DACH2: variants seen among roughly 807,000 people sequenced by gnomAD.
DACH2 encodes dachshund family transcription factor 2, also known as dachshund homolog 2.
A neutral mutation model predicts 35.8 loss-of-function variants in DACH2; 17 were observed. The observed-to-expected ratio is 0.48, with a 90% confidence interval of 0.33 to 0.71. The LOEUF (loss-of-function observed/expected upper bound fraction) is 0.71. Among genes scored for constraint, DACH2 ranks in the 30% least tolerant of loss-of-function variants. DACH2 has a pLI of 0.02. For missense variants in DACH2, 469 were observed against 472.7 expected (o/e 0.99, Z 0.07); for synonymous variants, 195 against 177.3 (o/e 1.10, Z -0.79).
At position 86,763,563 on chromosome X, in the gene DACH2, C is replaced by T. The variant is rs373422653; in HGVS notation, c.1240+23681C>T. ...CCGCCTCCTGGGTTCCTGACATTCT[C>T]CTGCCTCAGCCTCCTGAGTAGCTGG... On this transcript the variant is annotated intron_variant, in intron 7 of 11. Coordinates refer to ENST00000373125, the MANE Select transcript of DACH2 (RefSeq NM_053281.3). 1.3e-4 allele frequency among the ~76,000 whole-genome samples: 15 copies of T among 111,828 alleles called. No homozygotes were observed. The East Asian group carries it at 2.8e-3, about 21-fold the overall frequency.
intron 1 of DACH2, chrX:86,161,051 C>T: frequency 9.6e-7 from 1 of 1,043,701 alleles, no homozygotes; most frequent in Non-Finnish European, 1.3e-6. Flanking sequence ...TTGCCTCCAG[C>T]ATGTTGTCAT....
intron 2 of DACH2, among the ~76,000 whole-genome samples, chrX:86,437,263 A>G (rs1297993521): frequency 8.9e-6 from 1 of 111,753 alleles, no homozygotes; most frequent in Non-Finnish European, 1.9e-5. Flanking sequence ...GTATCCCCAC[A>G]TCGGTATTTA....
chrX:86,555,016 T>C (rs1257354242), intron 3 of DACH2, among the ~76,000 whole-genome samples: 1 of 110,593 alleles, frequency 9.0e-6, no homozygotes, highest in Non-Finnish European at 1.9e-5. Flanking sequence ...TAGCTCATGA[T>C]GAGCTCAATT....
chrX:86,251,070 G>A (rs2033389785), intron 1 of DACH2, among the ~76,000 whole-genome samples: 1 of 111,051 alleles, frequency 9.0e-6, no homozygotes, highest in African/African-American at 3.3e-5. Context: ...GATGCTGTAG[G>A]CATCAGATAC....
intron 7 of DACH2, among the ~76,000 whole-genome samples, chrX:86,800,265 C>G (rs762507717): frequency 6.2e-4 from 69 of 111,930 alleles, no homozygotes; most frequent in African/African-American, 2.2e-3. Context: ...CAATGCACAA[C>G]TAGGAACTCA....
At chrX:86,287,918 A>C (rs756253164) in intron 1 of DACH2, among the ~76,000 whole-genome samples, 7 of 111,711 alleles carry the variant, frequency 6.3e-5, no homozygotes, top group Admixed American at 1.9e-4. Context: ...TGGTGAGGTC[A>C]TGTTTTCCTA....
intron 3 of DACH2, among the ~76,000 whole-genome samples, chrX:86,561,808 C>A (rs1249743052): frequency 1.6e-5 from 1 of 64,067 alleles, no homozygotes; most frequent in Non-Finnish European, 2.8e-5. Context: ...CTAGATGACA[C>A]GTTAGTGGGT....
chrX:86,380,858 TATC>T (rs1348647358), intron 2 of DACH2, among the ~76,000 whole-genome samples: 1 of 110,787 alleles, frequency 9.0e-6, no homozygotes, highest in Non-Finnish European at 1.9e-5. Context: ...ACTGTTGTGA[TATC>T]ATACTATTCT....
chrX:86,407,268 T>G (rs1165731105), intron 2 of DACH2, among the ~76,000 whole-genome samples: 1 of 112,089 alleles, frequency 8.9e-6, no homozygotes, highest in Non-Finnish European at 1.9e-5. Context: ...CTTTTGCCAG[T>G]TATATAGTCT....
chrX:86,259,735 A>T (rs1030848777), intron 1 of DACH2, among the ~76,000 whole-genome samples: 8 of 112,145 alleles, frequency 7.1e-5, no homozygotes, highest in Non-Finnish European at 1.5e-4. Flanking sequence ...GGATCATAAT[A>T]TGTTTTTAAG....
intron 2 of DACH2, among the ~76,000 whole-genome samples, chrX:86,452,731 G>C (rs1459833946): frequency 9.0e-6 from 1 of 111,042 alleles, no homozygotes; most frequent in African/African-American, 3.3e-5. Context: ...AGTCTAGCTA[G>C]TGGTATATCT....
At chrX:86,289,172 T>C (rs2034216415) in intron 1 of DACH2, among the ~76,000 whole-genome samples, 1 of 108,431 alleles carries the variant, frequency 9.2e-6, no homozygotes. Context: ...GGTCCAGAAA[T>C]GTTGCTCAGG....
intron 2 of DACH2, among the ~76,000 whole-genome samples, chrX:86,486,545 T>C (rs1049779912): frequency 9.0e-6 from 1 of 111,276 alleles, no homozygotes; most frequent in Non-Finnish European, 1.9e-5. Flanking sequence ...GAGATGGCCA[T>C]GCACAATTCT....
chrX:86,424,131 T>C (rs780123883), intron 2 of DACH2, among the ~76,000 whole-genome samples: 1 of 110,681 alleles, frequency 9.0e-6, no homozygotes, highest in Admixed American at 9.7e-5. Flanking sequence ...TCCTCCAGTT[T>C]TTTTTTCTTT....
At chrX:86,536,589 G>A (rs1161116248) in intron 3 of DACH2, among the ~76,000 whole-genome samples, 1 of 111,633 alleles carries the variant, frequency 9.0e-6, no homozygotes, top group Admixed American at 9.5e-5. Flanking sequence ...ATCAAGCTGA[G>A]TTCAACTCTT....
At chrX:86,542,734 C>T (rs1329704313) in intron 3 of DACH2, among the ~76,000 whole-genome samples, 1 of 112,020 alleles carries the variant, frequency 8.9e-6, no homozygotes, top group Non-Finnish European at 1.9e-5. Flanking sequence ...ATATAGAATT[C>T]ACATTCCCTG....
intron 5 of DACH2, among the ~76,000 whole-genome samples, chrX:86,698,548 T>TTTTTTTA (rs34849144): frequency 1.2e-5 from 1 of 82,972 alleles, no homozygotes; most frequent in Non-Finnish European, 2.3e-5. Flanking sequence ...TTTTTTTTTT[T>TTTTTTTA]ACAGGGTCTC....
intron 4 of DACH2, among the ~76,000 whole-genome samples, chrX:86,670,614 G>A (rs778650682): frequency 3.6e-5 from 4 of 111,403 alleles, no homozygotes; most frequent in East Asian, 5.7e-4. Flanking sequence ...TGACTTATAC[G>A]TCTCTGCCTA....
chrX:86,274,765 T>G (rs918811451), intron 1 of DACH2, among the ~76,000 whole-genome samples: 1 of 110,722 alleles, frequency 9.0e-6, no homozygotes, highest in African/African-American at 3.3e-5. Flanking sequence ...CCCAAAGTGC[T>G]GAGATTACAG....
Sources: allele counts gnomAD v4.1 joint callset (sites outside exome capture counted in the v4.1 genomes callset), GRCh38; gene constraint gnomAD v4.1.1; transcripts MANE v1.5; gene names NCBI Gene and HGNC (gene_info 2026-07-23, HGNC 2026-07-21).